MAF: variants seen among roughly 807,000 people sequenced by gnomAD.
The protein encoded by MAF is MAF bZIP transcription factor, also known as transcription factor Maf.
Under a neutral mutation model 22.0 loss-of-function variants are expected in MAF, and 10 were observed. The ratio of observed to expected loss-of-function variants is 0.45; its 90% CI spans 0.28 to 0.77. The LOEUF (loss-of-function observed/expected upper bound fraction) is 0.77. Ranked by LOEUF, MAF falls within the 30% of genes least tolerant of loss-of-function variation. MAF has a pLI of 0.12. For missense variants in MAF, 544 were observed against 548.4 expected (o/e 0.99, Z 0.08); for synonymous variants, 337 against 255.8 (o/e 1.32, Z -3.03).
the MAF span, among the ~76,000 whole-genome samples, chr16:79,521,213 C>T: frequency 5.9e-5 from 9 of 152,354 alleles, no homozygotes; most frequent in South Asian, 8.3e-4. Context: ...CTCCACAGTA[C>T]ATACTTTCCC....
chr16:79,270,033 C>T, the MAF span, among the ~76,000 whole-genome samples: 2 of 151,816 alleles, frequency 1.3e-5, no homozygotes, highest in African/African-American at 2.4e-5. Flanking sequence ...GGTTTTTTTG[C>T]AATCCTGTTT....
chr16:79,437,486 G>A, the MAF span, among the ~76,000 whole-genome samples: 2 of 152,156 alleles, frequency 1.3e-5, no homozygotes, highest in African/African-American at 2.4e-5. Context: ...TCGGGCTGAT[G>A]GGACTTTGCA....
At chr16:79,459,214 C>T in the MAF span, among the ~76,000 whole-genome samples, 4 of 152,242 alleles carry the variant, frequency 2.6e-5, no homozygotes, top group Admixed American at 6.5e-5. Context: ...CTCTTAACCA[C>T]GATGACATAC....
the MAF span, among the ~76,000 whole-genome samples, chr16:79,245,811 T>C: frequency 6.6e-6 from 1 of 152,078 alleles, no homozygotes; most frequent in Non-Finnish European, 1.5e-5. Context: ...CCAACCCAAA[T>C]GCCCATCAGT....
chr16:79,219,079 A>C, the MAF span, among the ~76,000 whole-genome samples: 1 of 152,232 alleles, frequency 6.6e-6, no homozygotes, highest in African/African-American at 2.4e-5. Flanking sequence ...ATCTGTTTAC[A>C]AGGCCATGCC....
chr16:79,372,864 T>G, the MAF span, among the ~76,000 whole-genome samples: 1 of 152,160 alleles, frequency 6.6e-6, no homozygotes, highest in Non-Finnish European at 1.5e-5. Context: ...ACTCACCTAT[T>G]TCTCACCCAC....
the MAF span, among the ~76,000 whole-genome samples, chr16:79,446,795 G>T: frequency 2.2e-4 from 33 of 152,084 alleles, no homozygotes; most frequent in Middle Eastern, 3.4e-3. Flanking sequence ...TCTAGTCCCA[G>T]CTACACAGGT....
chr16:79,310,454 G>C, the MAF span, among the ~76,000 whole-genome samples: 1 of 152,124 alleles, frequency 6.6e-6, no homozygotes, highest in Non-Finnish European at 1.5e-5. Flanking sequence ...TCAAGAACCA[G>C]GCCAACTTGA....
At chr16:79,457,781 C>T in the MAF span, among the ~76,000 whole-genome samples, 5 of 152,084 alleles carry the variant, frequency 3.3e-5, no homozygotes, top group Admixed American at 6.5e-5. Context: ...GTGATCAAGG[C>T]ACCCCAAGAA....
At chr16:79,584,463 T>G (rs938417252), downstream of MAF, among the ~76,000 whole-genome samples, 2 of 152,254 alleles carry the variant, frequency 1.3e-5, no homozygotes, top group Non-Finnish European at 2.9e-5. Context: ...CTGTCAATCA[T>G]GTTCACAGCT....
At chr16:79,422,146 G>A in the MAF span, among the ~76,000 whole-genome samples, 1 of 152,208 alleles carries the variant, frequency 6.6e-6, no homozygotes, top group African/African-American at 2.4e-5. Flanking sequence ...CGAGGACAGA[G>A]CATTCTGGAA....
the MAF span, among the ~76,000 whole-genome samples, chr16:79,225,769 T>C: frequency 6.6e-6 from 1 of 152,050 alleles, no homozygotes; most frequent in Non-Finnish European, 1.5e-5. Flanking sequence ...TCAGCAAACA[T>C]ATGAAAAAAT....
At chr16:79,487,761 C>T in the MAF span, among the ~76,000 whole-genome samples, 1 of 152,196 alleles carries the variant, frequency 6.6e-6, no homozygotes, top group East Asian at 1.9e-4. Flanking sequence ...CATCCTTGGC[C>T]AGGACCCTGG....
At chr16:79,474,067 G>A in the MAF span, among the ~76,000 whole-genome samples, 2 of 152,078 alleles carry the variant, frequency 1.3e-5, no homozygotes, top group East Asian at 3.9e-4. Context: ...GAGGAAGATG[G>A]ATAATCTCCT....
the MAF span, among the ~76,000 whole-genome samples, chr16:79,344,868 GTTACAT>G: frequency 7.9e-5 from 12 of 152,072 alleles, no homozygotes; most frequent in African/African-American, 2.9e-4. Context: ...CTTCCATTTT[GTTACAT>G]TTAGAGAGGC....
chr16:79,586,558 C>A lies in MAF; in HGVS notation c.1119-617G>T, dbSNP rs563805991. Among the ~76,000 whole-genome samples the A allele has an allele frequency of 5.8e-3, 883 of 152,294 alleles. 4 individuals are homozygous for A. Among genetic ancestry groups the A allele is most frequent in the Non-Finnish European group, 9.5e-3 (645 of 68,024 alleles). ...AATTAGTAGCAGGGAGTGCTTAGAA[C>A]GGTGATATGAAAATGAGGTTGCTTT... is the stretch of plus-strand genomic sequence containing the variant. On this transcript the variant is annotated intron_variant, in intron 1 of 1. Coordinates refer to the MAF transcript ENST00000569649.
chr16:79,545,380 T>G, the MAF span, among the ~76,000 whole-genome samples: 3 of 152,130 alleles, frequency 2.0e-5, no homozygotes, highest in Non-Finnish European at 4.4e-5. Context: ...GCAAGGTTCC[T>G]TGTTCAAAAA....
the MAF span, among the ~76,000 whole-genome samples, chr16:79,353,319 G>C: frequency 6.6e-6 from 1 of 152,084 alleles, no homozygotes; most frequent in African/African-American, 2.4e-5. Context: ...AGTAGAGACA[G>C]GGTTTCACTA....
the MAF span, among the ~76,000 whole-genome samples, chr16:79,412,479 C>G: frequency 6.6e-6 from 1 of 152,138 alleles, no homozygotes; most frequent in South Asian, 2.1e-4. Flanking sequence ...GTATCTAAAT[C>G]AAAATTTATC....
Sources: gnomAD v4.1 joint callset for allele counts (sites outside exome capture counted in the v4.1 genomes callset) on GRCh38, gnomAD v4.1.1 for gene constraint, MANE v1.5 for transcripts, NCBI Gene and HGNC (gene_info 2026-07-23, HGNC 2026-07-21) for gene names.